GALNT13: variants seen among roughly 807,000 people sequenced by gnomAD.
The protein encoded by GALNT13 is polypeptide N-acetylgalactosaminyltransferase 13.
GALNT13 carries 28 observed loss-of-function variants against 64.2 expected under a neutral mutation model. The observed-to-expected ratio is 0.44, with a 90% CI of 0.32 to 0.60. The LOEUF (loss-of-function observed/expected upper bound fraction) is 0.60. GALNT13 is among the 20% of genes least tolerant of loss of function. GALNT13 has a pLI of 0.05. For missense variants in GALNT13, 577 were observed against 669.8 expected, an observed-to-expected ratio of 0.86 and a Z score of 1.53; for synonymous variants, 214 against 224.6, an observed-to-expected ratio of 0.95 and a Z score of 0.42.
chr2:153,090,145 T>C, the GALNT13 span, among the ~76,000 whole-genome samples: 1 of 152,202 alleles, frequency 6.6e-6, no homozygotes, highest in Non-Finnish European at 1.5e-5. Flanking sequence ...CATGGGTTGA[T>C]CCTTTGGCGT....
the GALNT13 span, among the ~76,000 whole-genome samples, chr2:153,385,926 C>G: frequency 1.3e-5 from 2 of 151,800 alleles, no homozygotes; most frequent in African/African-American, 4.8e-5. Flanking sequence ...AAATTGTATC[C>G]TGTCATATGG....
chr2:153,430,885 C>A, the GALNT13 span, among the ~76,000 whole-genome samples: 1 of 152,026 alleles, frequency 6.6e-6, no homozygotes, highest in Non-Finnish European at 1.5e-5. Context: ...GGCATGGTGG[C>A]TCACGCCTGT....
chr2:154,235,139 C>T (rs1341984691), intron 4 of GALNT13, among the ~76,000 whole-genome samples: 2 of 152,008 alleles, frequency 1.3e-5, no homozygotes, highest in African/African-American at 2.4e-5. Flanking sequence ...ACCCTCTCAC[C>T]CCATCCCCAC....
At chr2:154,298,960 G>A (rs1040459788) in intron 8 of GALNT13, among the ~76,000 whole-genome samples, 12 of 128,938 alleles carry the variant, frequency 9.3e-5, no homozygotes, top group African/African-American at 2.2e-4. Flanking sequence ...AACATGTATC[G>A]CTAATATGCT....
chr2:153,510,751 G>A, the GALNT13 span, among the ~76,000 whole-genome samples: 3 of 97,312 alleles, frequency 3.1e-5, no homozygotes, highest in Non-Finnish European at 5.4e-5. Context: ...TTGAGAAGCT[G>A]TGGTCTAAAA....
chr2:153,140,349 T>A, the GALNT13 span, among the ~76,000 whole-genome samples: 1 of 151,930 alleles, frequency 6.6e-6, no homozygotes, highest in Admixed American at 6.6e-5. Context: ...GAGATGACCT[T>A]GGAGAAAGGA....
chr2:153,404,940 G>A, the GALNT13 span, among the ~76,000 whole-genome samples: 1 of 152,040 alleles, frequency 6.6e-6, no homozygotes, highest in Non-Finnish European at 1.5e-5. Context: ...ATAGGCTTCC[G>A]GGCAAAGCCT....
At chr2:153,832,497 C>T in the GALNT13 span, among the ~76,000 whole-genome samples, 328 of 152,062 alleles carry the variant, frequency 2.2e-3, 2 homozygotes, top group African/African-American at 7.5e-3. Context: ...ACTACTAATC[C>T]GGGGAGTGTG....
At chr2:153,306,309 T>G in the GALNT13 span, among the ~76,000 whole-genome samples, 1 of 152,234 alleles carries the variant, frequency 6.6e-6, no homozygotes, top group Non-Finnish European at 1.5e-5. Flanking sequence ...GTGAACTAAC[T>G]TCAGCTTCTT....
chr2:153,786,971 G>C, the GALNT13 span, among the ~76,000 whole-genome samples: 2 of 152,078 alleles, frequency 1.3e-5, no homozygotes, highest in African/African-American at 4.8e-5. Flanking sequence ...CCCCCATCTT[G>C]GGCTAATCAC....
the GALNT13 span, among the ~76,000 whole-genome samples, chr2:153,346,814 T>C: frequency 1.2e-4 from 18 of 152,188 alleles, no homozygotes; most frequent in Non-Finnish European, 2.9e-5. Flanking sequence ...TATGCATTTT[T>C]TAAAAATTGA....
the GALNT13 span, among the ~76,000 whole-genome samples, chr2:153,827,160 G>C: frequency 7.0e-3 from 1,071 of 152,148 alleles, 10 homozygotes; most frequent in African/African-American, 0.024. Flanking sequence ...AGCAGGCAGA[G>C]AGAGAGAGCT....
chr2:153,700,457 C>T, the GALNT13 span, among the ~76,000 whole-genome samples: 1 of 152,150 alleles, frequency 6.6e-6, no homozygotes, highest in Non-Finnish European at 1.5e-5. Flanking sequence ...TCTCTCACCA[C>T]TCCTATTCAA....
At chr2:154,352,669 T>G (rs1696478486) in intron 9 of GALNT13, among the ~76,000 whole-genome samples, 1 of 152,180 alleles carries the variant, frequency 6.6e-6, no homozygotes, top group Non-Finnish European at 1.5e-5. Flanking sequence ...AACACCACAT[T>G]CTTCTTATAC....
rs1689575505 is a variant in GALNT13, at chr2:154,242,911, A to G, written c.686+6A>G. ...GCAAGAATAAAGGAAGACAGGTAAG[A>G]ATTTATGTGTTCTGTCTGCCTGGGT... On this transcript the variant is annotated splice_donor_region_variant and intron_variant, in intron 6 of 12. Transcript: ENST00000392825. The G allele has an allele frequency of 6.2e-7, 1 of 1,611,590 alleles. No individual in the cohort carries two copies. Among genetic ancestry groups the G allele is most frequent in the East Asian group, 2.2e-5 (1 of 44,832 alleles).
At chr2:153,920,344 C>T (rs1188302930) in intron 2 of GALNT13, among the ~76,000 whole-genome samples, 3 of 152,056 alleles carry the variant, frequency 2.0e-5, no homozygotes, top group African/African-American at 7.2e-5. Flanking sequence ...CTACAACCAT[C>T]TGATCTTCCA....
chr2:153,843,113 A>G, the GALNT13 span, among the ~76,000 whole-genome samples: 1 of 152,238 alleles, frequency 6.6e-6, no homozygotes, highest in African/African-American at 2.4e-5. Flanking sequence ...GAGATATATT[A>G]GGCTATTTTT....
At chr2:153,488,081 G>C in the GALNT13 span, among the ~76,000 whole-genome samples, 5 of 152,196 alleles carry the variant, frequency 3.3e-5, no homozygotes, top group African/African-American at 1.2e-4. Flanking sequence ...CCAAAGGAAG[G>C]AGGTGGCTTC....
At chr2:154,021,983 C>G (rs1266287273) in intron 3 of GALNT13, among the ~76,000 whole-genome samples, 2 of 152,112 alleles carry the variant, frequency 1.3e-5, no homozygotes, top group Non-Finnish European at 2.9e-5. Flanking sequence ...TTCTTTGGTT[C>G]TGTTTATATG....
Sources: allele counts gnomAD v4.1 joint callset (sites outside exome capture counted in the v4.1 genomes callset), GRCh38; gene constraint gnomAD v4.1.1; transcripts MANE v1.5; gene names NCBI Gene and HGNC (gene_info 2026-07-23, HGNC 2026-07-21).